The following SLC6A17 variants were observed in gnomAD, a reference collection of about 807,000 sequenced individuals.
The protein encoded by SLC6A17 is solute carrier family 6 member 17.
In SLC6A17, 21 loss-of-function variants were observed where a neutral mutation model predicts 64.5. That is an observed-to-expected ratio of 0.33 (90% confidence interval 0.23 to 0.47). SLC6A17 has a LOEUF of 0.47. Ranked by LOEUF, SLC6A17 falls within the 20% of genes least tolerant of loss-of-function variation. The probability of loss-of-function intolerance (pLI) is 1.00; values close to 1 mark genes in which losing one functional copy is unlikely to be tolerated. For missense variants in SLC6A17, 682 were observed against 963.2 expected (o/e 0.71, Z 3.86); for synonymous variants, 372 against 399.5 (o/e 0.93, Z 0.82).
At chr1:110,152,125 C>G (rs903940218) in intron 1 of SLC6A17, among the ~76,000 whole-genome samples, 2 of 152,194 alleles carry the variant, frequency 1.3e-5, no homozygotes, top group Non-Finnish European at 2.9e-5. Flanking sequence ...TCTTGTGTCT[C>G]GTTCTGTGCT....
At chr1:110,193,999 G>A (rs1462151879) in intron 8 of SLC6A17, among the ~76,000 whole-genome samples, 2 of 152,196 alleles carry the variant, frequency 1.3e-5, no homozygotes, top group Non-Finnish European at 2.9e-5. Flanking sequence ...CATTAAAGCA[G>A]TGATTCTCTA....
chr1:110,176,344 G>T (rs1291560968), intron 5 of SLC6A17, among the ~76,000 whole-genome samples: 1 of 152,082 alleles, frequency 6.6e-6, no homozygotes, highest in African/African-American at 2.4e-5. Context: ...TTACCCCCTT[G>T]GCAGCCCTCT....
intron 8 of SLC6A17, among the ~76,000 whole-genome samples, chr1:110,193,803 C>T (rs1261756387): frequency 6.6e-6 from 1 of 152,252 alleles, no homozygotes; most frequent in Non-Finnish European, 1.5e-5. Context: ...TGGCCTGGTT[C>T]TCTGAATTAA....
chr1:110,171,722 G>A (rs1004929549), intron 2 of SLC6A17, among the ~76,000 whole-genome samples: 3 of 152,134 alleles, frequency 2.0e-5, no homozygotes, highest in Non-Finnish European at 2.9e-5. Flanking sequence ...GCCTCATGAG[G>A]TGAGTGTGTC....
chr1:110,197,418 C>T lies in SLC6A17; in HGVS notation c.1653-19C>T, dbSNP rs762974198. 5 of 1,600,372 alleles carry T rather than the reference C, an allele frequency of 3.1e-6. No homozygotes were observed. Among genetic ancestry groups the T allele is most frequent in the Non-Finnish European group, 4.3e-6 (5 of 1,173,048 alleles). ...GACTGAGGGATGCCAACTGCTGGAC[C>T]CTCTGCTATGCCTGGCAGGTTCATG... On this transcript the variant is annotated intron_variant, in intron 10 of 11. Coordinates refer to ENST00000331565, the MANE Select transcript of SLC6A17 (RefSeq NM_001010898.4).
Position 110,200,084 on chromosome 1 carries a change from C to G in SLC6A17, c.*1640C>G. ...GGCCACAGTGCTCAACCCGGACACCCTCACGAAGGGTCGCAAGTCACTCTT... is the reference window on the plus strand; with the variant it reads ...GGCCACAGTGCTCAACCCGGACACCGTCACGAAGGGTCGCAAGTCACTCTT... On this transcript the variant is annotated 3_prime_UTR_variant, in exon 12 of 12. Coordinates refer to ENST00000331565, the MANE Select transcript of SLC6A17 (RefSeq NM_001010898.4). The G allele has an allele frequency of 2.5e-6, 1 of 398,494 alleles. No individual in the cohort carries two copies. The highest frequency in any genetic ancestry group is 4.4e-6 in the Non-Finnish European group (1 of 226,018). The allele number at this position is 398,494 out of a possible 1,614,324, so 24.7% of individuals were successfully genotyped here. A position where few individuals can be genotyped will look rare whatever the true frequency, so the allele number is the denominator to read the frequency against.
Position 110,167,170 on chromosome 1 carries a change from G to C in SLC6A17, c.241G>C (p.Gly81Arg). ...CCAGATTGGCTTCTCTGTGGGCCTC[G>C]GCAACATCTGGAGGTTCCCCTACCT... The part of the protein sequence containing the change: ...LAQIGFSVGL[G>R]NIWRFPYLCQ... Residue 81 changes from glycine to arginine, a missense_variant, in exon 2 of 12, where the codon GGC (glycine) becomes CGC (arginine). Transcript: ENST00000331565. 1 of 1,613,714 alleles carries C rather than the reference G, an allele frequency of 6.2e-7. No individual in the cohort carries two copies.
At position 110,198,341 on chromosome 1, in the gene SLC6A17, A is replaced by G. The variant is rs753342740; in HGVS notation, c.2081A>G (p.Tyr694Cys). Residue 694 changes from tyrosine (Y) to cysteine (C), a missense_variant, in exon 12 of 12, where the codon TAT becomes TGT. Around this residue, in one of 3 missense-constraint regions of SLC6A17, gnomAD observed 264 missense variants for 339.5 expected, o/e 0.78. Transcript: ENST00000331565. ...TCCCCCATGCCCACTCACCGTTCCT[A>G]TCTGGGGCCCGGCAGCACATCACCC... ...APSPMPTHRS[Y>C]LGPGSTSPLE... 4.3e-6 allele frequency: 7 copies of G among 1,614,004 alleles called. No individual in the cohort carries two copies.
At chr1:110,171,256 A>G (rs1656215955) in intron 2 of SLC6A17, among the ~76,000 whole-genome samples, 1 of 152,128 alleles carries the variant, frequency 6.6e-6, no homozygotes, top group Non-Finnish European at 1.5e-5. Context: ...GGGCCTTGCT[A>G]ACAGGACTAG....
intron 1 of SLC6A17, among the ~76,000 whole-genome samples, chr1:110,166,528 GCT>G (rs1457037018): frequency 6.6e-6 from 1 of 152,248 alleles, no homozygotes; most frequent in Non-Finnish European, 1.5e-5. Flanking sequence ...AGCACTCTAA[GCT>G]CTGCAGTATG....
intron 1 of SLC6A17, among the ~76,000 whole-genome samples, chr1:110,162,193 G>A (rs772640911): frequency 7.2e-6 from 1 of 138,162 alleles, no homozygotes; most frequent in African/African-American, 2.5e-5. Context: ...CAGCTACTAA[G>A]GGGGGGATAA....
At position 110,199,113 on chromosome 1, in the gene SLC6A17, T is replaced by G. The variant is rs924143621; in HGVS notation, c.*669T>G. The G allele has an allele frequency of 1.3e-5, 2 of 152,702 alleles. No individual in the cohort carries two copies. Among genetic ancestry groups the G allele is most frequent in the African/African-American group, 4.8e-5 (2 of 41,460 alleles). 9.5% of individuals were successfully genotyped at this position (152,702 alleles called of 1,614,324 possible). A position where few individuals can be genotyped will look rare whatever the true frequency, so the allele number is the denominator to read the frequency against. ...AGAAGGTGAGGAACCTCCTCTGCCC[T>G]GGTCCCTGGGTGGAATCTTCCCATG... is the stretch of plus-strand genomic sequence containing the variant. On this transcript the variant is annotated 3_prime_UTR_variant, in exon 12 of 12. Coordinates refer to ENST00000331565, the MANE Select transcript of SLC6A17 (RefSeq NM_001010898.4).
At chr1:110,165,995 A>G (rs908265323) in intron 1 of SLC6A17, among the ~76,000 whole-genome samples, 8 of 152,196 alleles carry the variant, frequency 5.3e-5, no homozygotes, top group African/African-American at 1.7e-4. Context: ...ATGAAAGACA[A>G]ATGAGGACTG....
Position 110,199,737 on chromosome 1 carries a change from G to T in SLC6A17, c.*1293G>T, listed in dbSNP as rs1657068249. 1 of 384,606 alleles carries T rather than the reference G, an allele frequency of 2.6e-6. No homozygotes were observed. The highest frequency in any genetic ancestry group is 3.7e-5 in the East Asian group (1 of 27,024). The allele number at this position is 384,606 out of a possible 1,614,324, so 23.8% of individuals were successfully genotyped here. On this transcript the variant is annotated 3_prime_UTR_variant, in exon 12 of 12. Transcript: ENST00000331565. ...GTGCAGAAGGCTGCAGCTGACAACA[G>T]CGACCCCACCTGCCATTACCTTCAG... is the stretch of plus-strand genomic sequence containing the variant.
chr1:110,197,613 C>G lies in SLC6A17; in HGVS notation c.1815+14C>G. 2 of 1,578,008 alleles carry G rather than the reference C, an allele frequency of 1.3e-6. No individual in the cohort carries two copies. The highest frequency in any genetic ancestry group is 1.7e-6 in the Non-Finnish European group (2 of 1,165,548). On this transcript the variant is annotated intron_variant, in intron 11 of 11. Coordinates refer to ENST00000331565, the MANE Select transcript of SLC6A17 (RefSeq NM_001010898.4). ...ATCAAGGAGGAGGTGAGGGGTGGGG[C>G]CCCAAACCCCAGGGACATTTGCATC...
In SLC6A17 at chr1:110,192,112, G is replaced by T. The variant is rs752746351; in HGVS notation, c.1005G>T (p.Leu335=). ...ACAACTGCCACTTCGATGCCGCCCT[G>T]GTGTCCTTCATCAACTTCTTCACGT... ...QDNNCHFDAA[L]VSFINFFTSV... The change falls in exon 7 of 12, where the codon CTG becomes CTT. Residue 335 remains leucine (L), a synonymous_variant. Coordinates refer to ENST00000331565, the MANE Select transcript of SLC6A17 (RefSeq NM_001010898.4). The surrounding 1 kb of genome is among the most constrained non-coding windows in gnomAD (Gnocchi z 4.3). 3.1e-6 allele frequency: 5 copies of T among 1,614,194 alleles called. No individual in the cohort carries two copies. The highest frequency in any genetic ancestry group is 4.2e-6 in the Non-Finnish European group (5 of 1,180,028).
At chr1:110,153,224 CTT>C (rs1655653922) in intron 1 of SLC6A17, among the ~76,000 whole-genome samples, 1 of 152,138 alleles carries the variant, frequency 6.6e-6, no homozygotes, top group Admixed American at 6.5e-5. Context: ...GGTCACTTCT[CTT>C]TGTTCAGGTC....
At chr1:110,181,003 T>C (rs1177224347) in intron 6 of SLC6A17, among the ~76,000 whole-genome samples, 1 of 152,106 alleles carries the variant, frequency 6.6e-6, no homozygotes, top group African/African-American at 2.4e-5. Context: ...AGCAGACAGT[T>C]ACCGGGTATG....
chr1:110,190,484 G>T (rs2100946199), intron 6 of SLC6A17, among the ~76,000 whole-genome samples: 2 of 152,332 alleles, frequency 1.3e-5, no homozygotes, highest in African/African-American at 4.8e-5. Context: ...GTGCTGCCAG[G>T]AGTTGAGACA....
Sources: gnomAD v4.1 joint callset for allele counts (sites outside exome capture counted in the v4.1 genomes callset) on GRCh38, gnomAD v4.1.1 for gene constraint, gnomAD v4.1.1 regional missense constraint, Gnocchi (gnomAD v3.1) non-coding constraint, MANE v1.5 for transcripts, NCBI Gene and HGNC (gene_info 2026-07-23, HGNC 2026-07-21) for gene names.